Variants in SORL1 observed in about 807,000 individuals in gnomAD.
The protein encoded by SORL1 is sortilin-related receptor.
SORL1 carries 127 observed loss-of-function variants against 273.7 expected under a neutral mutation model. The ratio of observed to expected loss-of-function variants is 0.46; its 90% CI spans 0.40 to 0.54. The LOEUF (loss-of-function observed/expected upper bound fraction) is 0.54, where lower values mean the gene tolerates loss of function less well. Among genes scored for constraint, SORL1 ranks in the 20% least tolerant of loss-of-function variants. The pLI is 0.00. For synonymous variants in SORL1, 1,031 were observed against 1,067.4 expected (o/e 0.97, Z 0.66); for missense variants, 2,494 against 2,846.1 (o/e 0.88, Z 2.81).
rs527966735 is a variant in SORL1 at position 121,473,087 on chromosome 11, A to C, written c.402+2964A>C. Among the ~76,000 whole-genome samples the C allele has an allele frequency of 3.9e-4, 59 of 152,360 alleles. No homozygotes were observed. In the South Asian group the frequency reaches 0.012, roughly 32 times the overall value. On this transcript the variant is annotated intron_variant, in intron 2 of 47. Coordinates refer to ENST00000260197, the MANE Select transcript of SORL1 (RefSeq NM_003105.6). ...ACTGTGTTAAAGGATTGGCAGATGC[A>C]AGTGAGATGCCTGATGTAAAAAGTT...
In SORL1 at chr11:121,465,822, C is replaced by A. The variant is rs537955372; in HGVS notation, c.286-4185C>A. Among the ~76,000 whole-genome samples, 29 of 152,312 alleles carry A rather than the reference C, an allele frequency of 1.9e-4. 1 individual carries two copies. Among genetic ancestry groups the A allele is most frequent in the African/African-American group, 6.5e-4 (27 of 41,568 alleles). The stretch of plus-strand genomic sequence containing the variant: ...GATTACAGGCATGAACCACCACGCC[C>A]GGCTGGGTGTGTCTTTTAAAAAAGA... On this transcript the variant is annotated intron_variant, in intron 1 of 47. Coordinates refer to ENST00000260197, the MANE Select transcript of SORL1 (RefSeq NM_003105.6).
At chr11:121,580,221 G>C (rs1028319837) in intron 25 of SORL1, among the ~76,000 whole-genome samples, 1 of 152,196 alleles carries the variant, frequency 6.6e-6, no homozygotes, top group African/African-American at 2.4e-5. Context: ...AACTATACCT[G>C]TTGGCTACTT....
intron 11 of SORL1, among the ~76,000 whole-genome samples, chr11:121,532,171 A>T (rs1233970442): frequency 1.3e-5 from 2 of 152,122 alleles, no homozygotes; most frequent in African/African-American, 4.8e-5. Flanking sequence ...ATAGATTTGG[A>T]TTTGAGTCCT....
intron 31 of SORL1, among the ~76,000 whole-genome samples, chr11:121,592,013 C>T (rs934802169): frequency 6.6e-6 from 1 of 152,146 alleles, no homozygotes. Flanking sequence ...GTTCTCCTGT[C>T]TAGAAGATCA....
In SORL1 at chr11:121,588,158, T is replaced by C; in HGVS notation, c.3946+7T>C. 6.2e-7 allele frequency: 1 copy of C among 1,612,666 alleles called. No individual in the cohort carries two copies. The highest frequency in any genetic ancestry group is 8.5e-7 in the Non-Finnish European group (1 of 1,179,206). On this transcript the variant is annotated splice_region_variant and intron_variant, in intron 28 of 47. Transcript: ENST00000260197. ...GCGGCGTTTGCAGGATGCTGTGAGT[T>C]GGGGCAGGCAGGGGAGGTGACTCAC...
chr11:121,467,030 C>CTTT lies in SORL1; in HGVS notation c.286-2962_286-2960dup, dbSNP rs58596501. On this transcript the variant is annotated intron_variant, in intron 1 of 47. Coordinates refer to ENST00000260197, the MANE Select transcript of SORL1 (RefSeq NM_003105.6). The stretch of plus-strand genomic sequence containing the variant: ...TGCCTTCTAGAGGTTTTCTTTTTTT[C>CTTT]TTTTTTTTTTTTTTTTTGAGGTGGA... 1.3e-3 allele frequency among the ~76,000 whole-genome samples: 162 copies of CTTT among 125,270 alleles called. 6 individuals carry two copies. The highest frequency in any genetic ancestry group is 0.011 in the South Asian group (42 of 3,974). 82.2% of individuals were successfully genotyped at this position (125,270 alleles called of 152,430 possible).
chr11:121,620,510 G>A (rs1242467730), intron 43 of SORL1, among the ~76,000 whole-genome samples: 3 of 152,078 alleles, frequency 2.0e-5, no homozygotes, highest in Non-Finnish European at 2.9e-5. Flanking sequence ...TTCATCCAGC[G>A]GTGGTTGGTT....
Position 121,585,180 on chromosome 11 carries a change from T to C in SORL1, c.3707-1042T>C, listed in dbSNP as rs1863075480. ...TTTTCTATTCATTGAAGCTTTTCTTTTTCTTCTAAAAAATATACTTAGATC... is the reference window on the plus strand; with the variant it reads ...TTTTCTATTCATTGAAGCTTTTCTTCTTCTTCTAAAAAATATACTTAGATC... On this transcript the variant is annotated intron_variant, in intron 26 of 47. Transcript: ENST00000260197. Among the ~76,000 whole-genome samples the C allele has an allele frequency of 1.3e-5, 2 of 152,216 alleles. 1 individual carries two copies. The highest frequency in any genetic ancestry group is 4.1e-4 in the South Asian group (2 of 4,832).
chr11:121,628,473 A>G (rs1863830140), intron 47 of SORL1, among the ~76,000 whole-genome samples: 1 of 152,146 alleles, frequency 6.6e-6, no homozygotes, highest in Non-Finnish European at 1.5e-5. Flanking sequence ...CTGATCTGAC[A>G]GGAGGCGAGG....
At chr11:121,603,378 C>T (rs554994764) in intron 32 of SORL1, among the ~76,000 whole-genome samples, 24 of 152,228 alleles carry the variant, frequency 1.6e-4, no homozygotes, top group Non-Finnish European at 3.4e-4. Flanking sequence ...ATTTGTACCA[C>T]CCAGGTACAC....
rs554243247 is a variant in SORL1, at chr11:121,629,276, A to G, written c.6578-220A>G. ...ATTTGGCTACGTTCAAACGACCACT[A>G]AAATAAATGTGAGGATCCATCGATG... On this transcript the variant is annotated intron_variant, in intron 47 of 47. Transcript: ENST00000260197. 11 of 512,054 alleles carry G rather than the reference A, an allele frequency of 2.1e-5. No homozygotes were observed. The South Asian group carries it at 2.6e-4, about 12-fold the overall frequency. The allele number at this position is 512,054 out of a possible 1,614,324, so 31.7% of individuals were successfully genotyped here. A position where few individuals can be genotyped will look rare whatever the true frequency, so the allele number is the denominator to read the frequency against.
intron 30 of SORL1, chr11:121,590,523 A>G (rs537491282): frequency 4.8e-5 from 25 of 516,790 alleles, no homozygotes; most frequent in Admixed American, 2.1e-4. Flanking sequence ...TCTGCATGCT[A>G]ATAAGCCCCC....
intron 21 of SORL1, among the ~76,000 whole-genome samples, chr11:121,564,941 T>C (rs1591329485): frequency 6.6e-6 from 1 of 152,334 alleles, no homozygotes; most frequent in South Asian, 2.1e-4. Context: ...TTGAGTGATA[T>C]ATTGTTCTTT....
chr11:121,575,241 T>G (rs905467553), intron 24 of SORL1, among the ~76,000 whole-genome samples: 1 of 152,238 alleles, frequency 6.6e-6, no homozygotes, highest in Non-Finnish European at 1.5e-5. Flanking sequence ...AATCCTCCAC[T>G]ATTTCTGTTG....
At chr11:121,514,628 A>G (rs1457865990) in intron 8 of SORL1, among the ~76,000 whole-genome samples, 1 of 152,080 alleles carries the variant, frequency 6.6e-6, no homozygotes, top group Non-Finnish European at 1.5e-5. Context: ...GCTTTTGTTC[A>G]GTTTTCTGGT....
chr11:121,534,669 G>A (rs1195542507), intron 12 of SORL1, among the ~76,000 whole-genome samples: 2 of 152,238 alleles, frequency 1.3e-5, no homozygotes, highest in African/African-American at 4.8e-5. Context: ...GTTCACAGAG[G>A]TATTTTGCTT....
At chr11:121,535,930 T>C (rs960839763) in intron 12 of SORL1, among the ~76,000 whole-genome samples, 1 of 152,224 alleles carries the variant, frequency 6.6e-6, no homozygotes, top group Non-Finnish European at 1.5e-5. Context: ...AGCCCGCTGC[T>C]CCTGTGAACC....
chr11:121,523,073 A>AC, intron 11 of SORL1, 84 bp downstream of exon 11: 1 of 930,848 alleles, frequency 1.1e-6, no homozygotes, highest in Middle Eastern at 3.0e-4. Flanking sequence ...CATTTCAGGG[A>AC]CACAAATGGT....
intron 5 of SORL1, among the ~76,000 whole-genome samples, chr11:121,493,114 G>T (rs1224738668): frequency 6.6e-6 from 1 of 152,098 alleles, no homozygotes; most frequent in African/African-American, 2.4e-5. Context: ...AAGTAGCTAG[G>T]ACTACAGGCA....
Sources: allele counts gnomAD v4.1 joint callset (sites outside exome capture counted in the v4.1 genomes callset), GRCh38; gene constraint gnomAD v4.1.1; transcripts MANE v1.5; gene names NCBI Gene and HGNC (gene_info 2026-07-23, HGNC 2026-07-21).